Variants in CSTPP1 observed in about 807,000 individuals in gnomAD.
CSTPP1 encodes centriolar satellite-associated tubulin polyglutamylase complex regulator 1, also known as UPF0705 protein C11orf49.
the CSTPP1 span, among the ~76,000 whole-genome samples, chr11:46,964,148 C>G: frequency 3.3e-5 from 5 of 152,208 alleles, no homozygotes; most frequent in African/African-American, 1.2e-4. Context: ...CACTAACTCC[C>G]CATGTTAGCA....
chr11:47,001,297 A>G, the CSTPP1 span, among the ~76,000 whole-genome samples: 1 of 152,208 alleles, frequency 6.6e-6, no homozygotes, highest in East Asian at 1.9e-4. Flanking sequence ...AGTAAATAAA[A>G]TAATTCATCA....
the CSTPP1 span, chr11:47,052,585 CT>C: frequency 6.4e-7 from 1 of 1,555,650 alleles, no homozygotes; most frequent in African/African-American, 1.4e-5. Context: ...CTTCCTTCCT[CT>C]CTCTCTCTTT....
At chr11:47,051,691 C>CTTT in the CSTPP1 span, among the ~76,000 whole-genome samples, 6 of 133,022 alleles carry the variant, frequency 4.5e-5, no homozygotes, top group African/African-American at 1.4e-4. Flanking sequence ...TATCTTTTTT[C>CTTT]TTTTTTTTTT....
chr11:47,027,221 C>T, the CSTPP1 span, among the ~76,000 whole-genome samples: 4 of 152,094 alleles, frequency 2.6e-5, no homozygotes, highest in African/African-American at 9.7e-5. Flanking sequence ...TTATATCAGC[C>T]GGTAAGAAGC....
At chr11:47,072,674 A>T in the CSTPP1 span, among the ~76,000 whole-genome samples, 2 of 151,848 alleles carry the variant, frequency 1.3e-5, no homozygotes, top group South Asian at 2.1e-4. Flanking sequence ...TTAATTAGAA[A>T]ATATATATAT....
the CSTPP1 span, among the ~76,000 whole-genome samples, chr11:47,146,442 A>G: frequency 2.0e-5 from 3 of 152,142 alleles, no homozygotes; most frequent in Admixed American, 6.6e-5. Context: ...AAATAGTCCA[A>G]AGATATAAAC....
chr11:47,153,932 A>G, the CSTPP1 span, among the ~76,000 whole-genome samples: 1 of 152,096 alleles, frequency 6.6e-6, no homozygotes, highest in Non-Finnish European at 1.5e-5. Context: ...ATGAGAGAGC[A>G]AAAGAAAACT....
At chr11:46,960,724 T>C in the CSTPP1 span, among the ~76,000 whole-genome samples, 115,494 of 152,010 alleles carry the variant, frequency 0.76, 44,589 homozygotes, top group African/African-American at 0.84. Flanking sequence ...TGGTGGCGGG[T>C]GCCTGTAATC....
At chr11:47,071,123 C>T in the CSTPP1 span, among the ~76,000 whole-genome samples, 34 of 152,300 alleles carry the variant, frequency 2.2e-4, no homozygotes, top group Middle Eastern at 6.8e-3. Context: ...GGCATTTGTC[C>T]TATCATACCT....
the CSTPP1 span, among the ~76,000 whole-genome samples, chr11:47,143,628 A>G: frequency 6.6e-6 from 1 of 152,088 alleles, no homozygotes; most frequent in African/African-American, 2.4e-5. Context: ...GATCCCCTCC[A>G]CCTCACATAT....
the CSTPP1 span, among the ~76,000 whole-genome samples, chr11:46,990,005 C>T: frequency 6.6e-6 from 1 of 152,206 alleles, no homozygotes; most frequent in Non-Finnish European, 1.5e-5. Flanking sequence ...GCATAGTACT[C>T]CATGGTATAT....
At chr11:47,001,027 A>G in the CSTPP1 span, among the ~76,000 whole-genome samples, 11 of 152,230 alleles carry the variant, frequency 7.2e-5, no homozygotes, top group Admixed American at 5.2e-4. Flanking sequence ...AATATATAGT[A>G]TGGACAGGGA....
At chr11:47,152,750 G>A in the CSTPP1 span, among the ~76,000 whole-genome samples, 1 of 152,214 alleles carries the variant, frequency 6.6e-6, no homozygotes, top group South Asian at 2.1e-4. Flanking sequence ...AATAGCAAGT[G>A]GAAGTTGCTG....
the CSTPP1 span, among the ~76,000 whole-genome samples, chr11:46,980,150 T>C: frequency 6.6e-6 from 1 of 152,174 alleles, no homozygotes; most frequent in South Asian, 2.1e-4. Flanking sequence ...GACCAGAGAC[T>C]GTTTTGAGTG....
chr11:47,149,230 C>T, the CSTPP1 span, among the ~76,000 whole-genome samples: 4 of 152,326 alleles, frequency 2.6e-5, no homozygotes, highest in East Asian at 1.9e-4. Context: ...AGGCATGGTC[C>T]GCAAGGGTCC....
At chr11:47,013,223 A>G in the CSTPP1 span, among the ~76,000 whole-genome samples, 1 of 149,326 alleles carries the variant, frequency 6.7e-6, no homozygotes, top group African/African-American at 2.4e-5. Context: ...ATATATATAT[A>G]TTTATTTATT....
At chr11:47,093,720 G>A in the CSTPP1 span, among the ~76,000 whole-genome samples, 316 of 152,270 alleles carry the variant, frequency 2.1e-3, 1 homozygote, top group African/African-American at 7.3e-3. Flanking sequence ...TTCCCCAGTA[G>A]TAAGGTCATG....
At chr11:46,978,800 C>G in the CSTPP1 span, among the ~76,000 whole-genome samples, 1 of 152,184 alleles carries the variant, frequency 6.6e-6, no homozygotes, top group Non-Finnish European at 1.5e-5. Flanking sequence ...TCGTGCAGAG[C>G]CACATCAACC....
the CSTPP1 span, among the ~76,000 whole-genome samples, chr11:47,107,892 A>T: frequency 2.1e-4 from 32 of 152,204 alleles, no homozygotes; most frequent in Admixed American, 6.5e-4. Context: ...CGTGCTGCAC[A>T]TGAGGAATCA....
Sources: gnomAD v4.1 joint callset for allele counts (sites outside exome capture counted in the v4.1 genomes callset) on GRCh38, gnomAD v4.1.1 for gene constraint, MANE v1.5 for transcripts, NCBI Gene and HGNC (gene_info 2026-07-23, HGNC 2026-07-21) for gene names.